The following MAL2 variants were observed in gnomAD, a reference collection of about 807,000 sequenced individuals.
MAL2 encodes the protein mal, T cell differentiation protein 2, also known as protein MAL2.
A neutral mutation model predicts 18.1 loss-of-function variants in MAL2; 17 were observed. The observed-to-expected ratio is 0.94, with a 90% confidence interval of 0.64 to 1.41. MAL2 has a LOEUF of 1.41. Ranked by LOEUF, MAL2 falls within the 40% of genes most tolerant of loss-of-function variation. The pLI, the probability that MAL2 is intolerant of heterozygous loss-of-function variation, is 0.00. For missense variants in MAL2, 222 were observed against 231.9 expected, an observed-to-expected ratio of 0.96 and a Z score of 0.28; for synonymous variants, 102 against 102.3, an observed-to-expected ratio of 1.00 and a Z score of 0.02.
chr8:119,228,042 C>A (rs1410241552), intron 2 of MAL2, among the ~76,000 whole-genome samples: 1 of 152,092 alleles, frequency 6.6e-6, no homozygotes, highest in African/African-American at 2.4e-5. Flanking sequence ...TCCAAGAAGA[C>A]CTCAAGTAGA....
intron 3 of MAL2, 134 bp from the exon 4 acceptor site, chr8:119,243,283 T>A: frequency 1.5e-5 from 8 of 519,832 alleles, no homozygotes; most frequent in South Asian, 1.3e-4. Context: ...AAAAAAACAA[T>A]GTAAAATATT....
chr8:119,209,315 C>G (rs1817235286), intron 1 of MAL2: 3 of 152,382 alleles, frequency 2.0e-5, no homozygotes, highest in Admixed American at 2.0e-4. Flanking sequence ...CACCTTCTCA[C>G]TTCCTGGCCT....
chr8:119,221,554 A>C, intron 1 of MAL2, 33 bp from the exon 2 acceptor site: 3 of 1,611,598 alleles, frequency 1.9e-6, no homozygotes, highest in Non-Finnish European at 2.5e-6. Flanking sequence ...GGTATCTTTT[A>C]AGCAAACCAA....
At chr8:119,212,060 A>G (rs937650189) in intron 1 of MAL2, among the ~76,000 whole-genome samples, 5 of 152,222 alleles carry the variant, frequency 3.3e-5, no homozygotes, top group Non-Finnish European at 7.3e-5. Flanking sequence ...AGTAACTACC[A>G]TTCAGGGAAG....
At chr8:119,222,830 A>C (rs1817495743) in intron 2 of MAL2, among the ~76,000 whole-genome samples, 1 of 76,180 alleles carries the variant, frequency 1.3e-5, no homozygotes, top group East Asian at 5.1e-4. Context: ...CTTGTCTCTC[A>C]AAAAAAAAAA....
chr8:119,212,984 T>A (rs1344829797), intron 1 of MAL2, among the ~76,000 whole-genome samples: 1 of 152,178 alleles, frequency 6.6e-6, no homozygotes, highest in Non-Finnish European at 1.5e-5. Context: ...TGAAGTTTGG[T>A]TGTAAAACAA....
intron 1 of MAL2, among the ~76,000 whole-genome samples, chr8:119,209,887 G>A (rs573167703): frequency 6.6e-6 from 1 of 152,306 alleles, no homozygotes; most frequent in South Asian, 2.1e-4. Flanking sequence ...ATGAGGTGCA[G>A]GCATCCATGT....
chr8:119,218,137 C>T (rs764375680), intron 1 of MAL2, among the ~76,000 whole-genome samples: 2 of 152,152 alleles, frequency 1.3e-5, no homozygotes, highest in South Asian at 2.1e-4. Context: ...GGCCCATCCT[C>T]TCTCTTCCAA....
chr8:119,225,260 T>A (rs2129827261), intron 2 of MAL2, among the ~76,000 whole-genome samples: 1 of 152,178 alleles, frequency 6.6e-6, no homozygotes, highest in South Asian at 2.1e-4. Flanking sequence ...CCTAATGCTA[T>A]CCCTCCCCAC....
rs143315878 is a variant in MAL2, at chr8:119,219,520, GGTGTGTGT to G, written c.133-2039_133-2032del. Among the ~76,000 whole-genome samples the G allele has an allele frequency of 9.7e-3, 1,437 of 147,760 alleles. 19 individuals carry two copies. The highest frequency in any genetic ancestry group is 0.027 in the African/African-American group (1,099 of 40,290). ...AGAGCGTGCTCTATCACTCTCCCTG[GGTGTGTGT>G]GTGTGTGTGTGTGTGTGTGTGTGTG... On this transcript the variant is annotated intron_variant, in intron 1 of 3. Coordinates refer to ENST00000614891, the MANE Select transcript of MAL2 (RefSeq NM_052886.3).
intron 1 of MAL2, among the ~76,000 whole-genome samples, chr8:119,210,119 A>G (rs1238577233): frequency 8.5e-5 from 13 of 152,196 alleles, no homozygotes; most frequent in Non-Finnish European, 1.5e-5. Context: ...AATACTTTCT[A>G]AACTTCAGTA....
chr8:119,234,371 A>G (rs1043576808), intron 2 of MAL2, among the ~76,000 whole-genome samples: 13 of 152,276 alleles, frequency 8.5e-5, no homozygotes, highest in African/African-American at 2.6e-4. Flanking sequence ...AGGCGGCAAC[A>G]AGGCTGGGGG....
At chr8:119,238,420 A>G (rs1264693402) in intron 2 of MAL2, among the ~76,000 whole-genome samples, 1 of 152,220 alleles carries the variant, frequency 6.6e-6, no homozygotes, top group East Asian at 1.9e-4. Context: ...GAATTGGAAA[A>G]AACTACTTTA....
At chr8:119,239,819 A>G (rs959756702) in intron 2 of MAL2, among the ~76,000 whole-genome samples, 7 of 151,752 alleles carry the variant, frequency 4.6e-5, no homozygotes, top group South Asian at 2.1e-4. Context: ...TGATGAGTTA[A>G]TGAGTGCAGC....
chr8:119,239,531 CAAT>C (rs1391657748), intron 2 of MAL2, among the ~76,000 whole-genome samples: 1 of 151,924 alleles, frequency 6.6e-6, no homozygotes, highest in Non-Finnish European at 1.5e-5. Flanking sequence ...AAATGTCCAA[CAAT>C]GATAGACTGG....
At chr8:119,217,681 C>A (rs889483854) in intron 1 of MAL2, among the ~76,000 whole-genome samples, 2 of 152,204 alleles carry the variant, frequency 1.3e-5, no homozygotes, top group African/African-American at 4.8e-5. Flanking sequence ...TATAATAGTT[C>A]CGAATACCTT....
At chr8:119,228,196 CT>C (rs1391862359) in intron 2 of MAL2, among the ~76,000 whole-genome samples, 1 of 152,134 alleles carries the variant, frequency 6.6e-6, no homozygotes, top group African/African-American at 2.4e-5. Context: ...AAGATGGTAA[CT>C]CCTCTTCCTG....
chr8:119,228,288 C>T (rs1461455178), intron 2 of MAL2, among the ~76,000 whole-genome samples: 1 of 152,110 alleles, frequency 6.6e-6, no homozygotes, highest in Non-Finnish European at 1.5e-5. Flanking sequence ...ATTGCTGTAT[C>T]CTCTGTCCTT....
chr8:119,215,576 C>T (rs748973229), intron 1 of MAL2: 1 of 152,148 alleles, frequency 6.6e-6, no homozygotes, highest in Admixed American at 6.6e-5. Context: ...AGAATACACG[C>T]GTCAGTAACC....
Sources: allele counts gnomAD v4.1 joint callset (sites outside exome capture counted in the v4.1 genomes callset), GRCh38; gene constraint gnomAD v4.1.1; transcripts MANE v1.5; gene names NCBI Gene and HGNC (gene_info 2026-07-23, HGNC 2026-07-21).